Variants in CADPS observed in about 807,000 individuals in gnomAD.
CADPS encodes the protein calcium-dependent secretion activator 1.
A neutral mutation model predicts 167.3 loss-of-function variants in CADPS; 57 were observed. The ratio of observed to expected loss-of-function variants is 0.34; its 90% CI spans 0.28 to 0.42. The LOEUF is 0.42. CADPS is among the 20% of genes least tolerant of loss of function. CADPS has a pLI of 1.00. For synonymous variants in CADPS, 676 were observed against 635.3 expected (o/e 1.06, Z -0.96); for missense variants, 1,414 against 1,738.1 (o/e 0.81, Z 3.32).
rs936241938 is a variant in CADPS at position 62,650,545 on chromosome 3, C to T, written c.1203+302G>A. Among the ~76,000 whole-genome samples the T allele has an allele frequency of 3.3e-5, 5 of 152,112 alleles. No individual in the cohort carries two copies. In the East Asian group the frequency reaches 5.8e-4, roughly 18 times the overall value. On this transcript the variant is annotated intron_variant, in intron 5 of 29. Transcript: ENST00000383710. ...CTCTTATAACTGTAAAACTGGCTGC[C>T]AAAATTTTTAACTTTCTAAATTATA...
At chr3:62,685,647 C>G (rs1165229654) in intron 3 of CADPS, among the ~76,000 whole-genome samples, 4 of 130,008 alleles carry the variant, frequency 3.1e-5, no homozygotes, top group African/African-American at 6.1e-5. Flanking sequence ...TTTTTGGCAC[C>G]AGGGACCAAA....
At chr3:62,827,308 T>A (rs1011962359) in intron 1 of CADPS, among the ~76,000 whole-genome samples, 1 of 152,190 alleles carries the variant, frequency 6.6e-6, no homozygotes, top group Non-Finnish European at 1.5e-5. Context: ...GTAAAGATGG[T>A]TGGATACTGG....
rs530948284 is a variant in CADPS at position 62,443,648 on chromosome 3, C to A, written c.3669+2117G>T. Among the ~76,000 whole-genome samples, 28 of 152,204 alleles carry A rather than the reference C, an allele frequency of 1.8e-4. No homozygotes were observed. The South Asian group carries it at 4.8e-3, about 26-fold the overall frequency. On this transcript the variant is annotated intron_variant, in intron 27 of 29. Coordinates refer to ENST00000383710, the MANE Select transcript of CADPS (RefSeq NM_003716.4). Reference sequence around the variant, plus strand: ...GGTTTTACGGGGGCTTTTTTCCTTTCACTCATTCTTCTTACCTCTGCTGTC... The same window carrying A: ...GGTTTTACGGGGGCTTTTTTCCTTTAACTCATTCTTCTTACCTCTGCTGTC...
chr3:62,471,604 T>C (rs528085685), intron 24 of CADPS, among the ~76,000 whole-genome samples: 1 of 152,264 alleles, frequency 6.6e-6, no homozygotes, highest in African/African-American at 2.4e-5. Context: ...GTGGGAGCTT[T>C]TGAAACATGG....
In CADPS at chr3:62,433,020, T is replaced by C. The variant is rs2054275622; in HGVS notation, c.3777+5084A>G. On this transcript the variant is annotated intron_variant, in intron 28 of 29. Transcript: ENST00000383710. The surrounding 1 kb of genome is among the most constrained non-coding windows in gnomAD (Gnocchi z 4.7). ...TTCATATTTTTGGAAGTGGTTTCCC[T>C]TACCTGGACAGCTGGTGATATACCT... Among the ~76,000 whole-genome samples, 1 of 152,202 alleles carries C rather than the reference T, an allele frequency of 6.6e-6. No homozygotes were observed.
In CADPS at chr3:62,547,457, A is replaced by AAAGG. The variant is rs375283824; in HGVS notation, c.1966+2442_1966+2445dup. Among the ~76,000 whole-genome samples the AAAGG allele has an allele frequency of 3.1e-3, 474 of 152,238 alleles. 2 individuals carry two copies. Among genetic ancestry groups the AAAGG allele is most frequent in the African/African-American group, 0.011 (452 of 41,546 alleles). Reference sequence around the variant, plus strand: ...AGAACTCCCGTTCCTCGGCAGTAATAAAGGAGACAGTACAGAAGAAGGTAA... The same window carrying AAAGG: ...AGAACTCCCGTTCCTCGGCAGTAATAAAGGAAGGAGACAGTACAGAAGAAGGTAA... On this transcript the variant is annotated intron_variant, in intron 11 of 29. Coordinates refer to ENST00000383710, the MANE Select transcript of CADPS (RefSeq NM_003716.4).
chr3:62,430,751 T>A (rs2053757156), intron 28 of CADPS, among the ~76,000 whole-genome samples: 1 of 152,092 alleles, frequency 6.6e-6, no homozygotes, highest in Non-Finnish European at 1.5e-5. Flanking sequence ...ATTTAGTAGG[T>A]AATGTTACCA....
intron 1 of CADPS, among the ~76,000 whole-genome samples, chr3:62,773,194 C>T (rs898017849): frequency 1.3e-5 from 2 of 151,878 alleles, no homozygotes; most frequent in African/African-American, 4.8e-5. Context: ...ATAAAATATG[C>T]CCTTTCTACA....
chr3:62,570,780 G>T, intron 9 of CADPS, 92 bp downstream of exon 9: 1 of 843,084 alleles, frequency 1.2e-6, no homozygotes, highest in Non-Finnish European at 2.0e-6. Context: ...CATGAGCTCT[G>T]TGTATTTAAG....
rs867718389 is a variant in CADPS, at chr3:62,721,133, T to A, written c.888+32308A>T. On this transcript the variant is annotated intron_variant, in intron 3 of 29. Transcript: ENST00000383710. ...TGCCCGGCAGGTTTTTTTTTTTTTT[T>A]TAAAAAAAAAAAGAAGAAAAAAGAA... 4.2e-3 allele frequency among the ~76,000 whole-genome samples: 472 copies of A among 111,826 alleles called. 2 individuals are homozygous for A. The highest frequency in any genetic ancestry group is 6.1e-3 in the Admixed American group (67 of 10,928). The allele number at this position is 111,826 out of a possible 152,430, so 73.4% of individuals were successfully genotyped here.
Position 62,403,246 on chromosome 3 carries a change from G to A in CADPS, c.3778-61C>T. On this transcript the variant is annotated intron_variant, in intron 28 of 29. Coordinates refer to ENST00000383710, the MANE Select transcript of CADPS (RefSeq NM_003716.4). ...TCATGGAGCATTTATAGGGCAGAGA[G>A]AGAGCAGGCAATGTTTGAGTACCCC... is the stretch of plus-strand genomic sequence containing the variant. 8 of 1,139,236 alleles carry A rather than the reference G, an allele frequency of 7.0e-6. No homozygotes were observed. The South Asian group carries it at 8.9e-5, about 13-fold the overall frequency. 70.6% of individuals were successfully genotyped at this position (1,139,236 alleles called of 1,614,324 possible). A position where few individuals can be genotyped will look rare whatever the true frequency, so the allele number is the denominator to read the frequency against.
chr3:62,728,852 C>A (rs2152095874), intron 3 of CADPS, among the ~76,000 whole-genome samples: 1 of 151,982 alleles, frequency 6.6e-6, no homozygotes, highest in African/African-American at 2.4e-5. Context: ...TGTTTAAAAC[C>A]TTAAGCAGCT....
intron 3 of CADPS, among the ~76,000 whole-genome samples, chr3:62,716,610 A>G (rs1017891054): frequency 3.3e-5 from 5 of 149,792 alleles, no homozygotes; most frequent in African/African-American, 1.2e-4. Flanking sequence ...TTTACTGTCT[A>G]TATCAAAACC....
intron 4 of CADPS, among the ~76,000 whole-genome samples, chr3:62,659,326 ATATTTTATTTAATATT>A (rs767533972): frequency 6.6e-6 from 1 of 152,148 alleles, no homozygotes; most frequent in Non-Finnish European, 1.5e-5. Context: ...CGAGATCTTG[ATATTTTATTTAATATT>A]TAGTGGAGGA....
chr3:62,611,592 G>A (rs1401065182), intron 6 of CADPS, among the ~76,000 whole-genome samples: 1 of 152,206 alleles, frequency 6.6e-6, no homozygotes, highest in Non-Finnish European at 1.5e-5. Flanking sequence ...CAAGGCCTTT[G>A]ATGAGTTGAA....
intron 3 of CADPS, among the ~76,000 whole-genome samples, chr3:62,737,680 G>A (rs181709170): frequency 1.2e-4 from 19 of 152,084 alleles, no homozygotes; most frequent in South Asian, 4.2e-4. Context: ...CTTCCTTTCC[G>A]TTTCTGTTTG....
intron 1 of CADPS, among the ~76,000 whole-genome samples, chr3:62,848,035 A>G (rs1383082558): frequency 1.6e-5 from 2 of 122,528 alleles, no homozygotes; most frequent in Non-Finnish European, 3.3e-5. Context: ...GCCAGTGATG[A>G]TGAGCATTTT....
chr3:62,592,258 T>C (rs1184166011), intron 7 of CADPS, among the ~76,000 whole-genome samples: 1 of 152,212 alleles, frequency 6.6e-6, no homozygotes, highest in Non-Finnish European at 1.5e-5. Flanking sequence ...TGTTTCTCTC[T>C]TATGTCATTG....
intron 20 of CADPS, among the ~76,000 whole-genome samples, 198 bp downstream of exon 20, chr3:62,492,092 C>T (rs954834981): frequency 6.6e-6 from 1 of 152,082 alleles, no homozygotes; most frequent in Non-Finnish European, 1.5e-5. Flanking sequence ...TAAGAGAGAG[C>T]GTCCCTAGAA....
Sources: gnomAD v4.1 joint callset for allele counts (sites outside exome capture counted in the v4.1 genomes callset) on GRCh38, gnomAD v4.1.1 for gene constraint, Gnocchi (gnomAD v3.1) non-coding constraint, MANE v1.5 for transcripts, NCBI Gene and HGNC (gene_info 2026-07-23, HGNC 2026-07-21) for gene names.